CA10: variants seen among roughly 807,000 people sequenced by gnomAD.
The protein encoded by CA10 is carbonic anhydrase-related protein 10.
In CA10, 14 loss-of-function variants were observed where a neutral mutation model predicts 44.2. That is an observed-to-expected ratio of 0.32 (90% CI 0.21 to 0.50). The LOEUF is 0.50. CA10 is among the 20% of genes least tolerant of loss of function. The probability of loss-of-function intolerance (pLI) is 0.99; values close to 1 mark genes in which losing one functional copy is unlikely to be tolerated. For missense variants in CA10, 350 were observed against 409.7 expected (o/e 0.85, Z 1.26); for synonymous variants, 159 against 141.6 (o/e 1.12, Z -0.87).
intron 4 of CA10, among the ~76,000 whole-genome samples, chr17:51,745,603 C>T (rs542757432): frequency 3.3e-5 from 5 of 152,104 alleles, no homozygotes; most frequent in Non-Finnish European, 7.4e-5. Context: ...ATATGTTTCC[C>T]TTAAGGATTT....
At chr17:51,864,253 A>AT (rs145361970) in intron 3 of CA10, among the ~76,000 whole-genome samples, 2,041 of 151,836 alleles carry the variant, frequency 0.013, 60 homozygotes, top group African/African-American at 0.047. Context: ...AGGAAAGCCA[A>AT]TTTTTTTTTA....
intron 2 of CA10, among the ~76,000 whole-genome samples, chr17:51,946,084 C>A (rs965169834): frequency 6.6e-6 from 1 of 152,086 alleles, no homozygotes; most frequent in African/African-American, 2.4e-5. Context: ...CTCACTTACA[C>A]GTGGATTCTA....
chr17:51,889,647 AC>A (rs1181753777), intron 3 of CA10, among the ~76,000 whole-genome samples: 1 of 152,198 alleles, frequency 6.6e-6, no homozygotes, highest in East Asian at 1.9e-4. Flanking sequence ...ATTGGGGGCC[AC>A]CTTTGGAGAC....
intron 3 of CA10, among the ~76,000 whole-genome samples, chr17:51,871,011 AC>A: frequency 8.9e-6 from 1 of 112,378 alleles, no homozygotes; most frequent in Non-Finnish European, 1.9e-5. Context: ...CTCTTTTTCC[AC>A]CCCTCCCTCC....
intron 1 of CA10, among the ~76,000 whole-genome samples, chr17:52,157,382 T>A (rs747274024): frequency 1.9e-4 from 29 of 151,874 alleles, no homozygotes; most frequent in Non-Finnish European, 3.8e-4. Flanking sequence ...AGCCAGGGGA[T>A]GGGGGTGGTT....
At chr17:52,014,461 A>C (rs1192992682) in intron 2 of CA10, among the ~76,000 whole-genome samples, 1 of 152,058 alleles carries the variant, frequency 6.6e-6, no homozygotes, top group Non-Finnish European at 1.5e-5. Flanking sequence ...TATTAATACA[A>C]TTCAAGAATT....
At position 51,668,138 on chromosome 17, in the gene CA10, G is replaced by A. The variant is rs569325555; in HGVS notation, c.466-14402C>T. Among the ~76,000 whole-genome samples, 4 of 152,350 alleles carry A rather than the reference G, an allele frequency of 2.6e-5. No homozygotes were observed. In the East Asian group the frequency reaches 7.7e-4, roughly 29 times the overall value. On this transcript the variant is annotated intron_variant, in intron 4 of 8. Coordinates refer to ENST00000451037, the MANE Select transcript of CA10 (RefSeq NM_020178.5). ...GGTTGTTTCCAGTAGAACTGGGTCA[G>A]CTAGAGGGAAAGGTCTTTATCCCTT...
chr17:52,083,442 G>GT (rs1988035570), intron 1 of CA10, among the ~76,000 whole-genome samples: 1 of 152,130 alleles, frequency 6.6e-6, no homozygotes, highest in African/African-American at 2.4e-5. Flanking sequence ...AATTTAAAAA[G>GT]TACAAATGCA....
At chr17:51,886,350 T>G (rs1980599796) in intron 3 of CA10, among the ~76,000 whole-genome samples, 1 of 152,210 alleles carries the variant, frequency 6.6e-6, no homozygotes, top group African/African-American at 2.4e-5. Flanking sequence ...ATCTTATCTT[T>G]AAAGAGTGTT....
chr17:52,042,738 T>C (rs2144194118), intron 2 of CA10, among the ~76,000 whole-genome samples: 1 of 148,936 alleles, frequency 6.7e-6, no homozygotes, highest in Admixed American at 6.8e-5. Context: ...AAATGTCACA[T>C]TTAAATCTGA....
intron 3 of CA10, among the ~76,000 whole-genome samples, chr17:51,800,771 T>C (rs1355489475): frequency 6.6e-6 from 1 of 152,212 alleles, no homozygotes; most frequent in African/African-American, 2.4e-5. Context: ...GTTGAAGAAA[T>C]AGCATCTGAA....
chr17:51,688,991 A>G (rs1388398657), intron 4 of CA10, among the ~76,000 whole-genome samples: 2 of 152,090 alleles, frequency 1.3e-5, no homozygotes, highest in African/African-American at 2.4e-5. Flanking sequence ...TTTTATCTCT[A>G]TTTTATATAA....
chr17:51,676,493 A>C (rs1364721985), intron 4 of CA10, among the ~76,000 whole-genome samples: 1 of 152,206 alleles, frequency 6.6e-6, no homozygotes, highest in Non-Finnish European at 1.5e-5. Flanking sequence ...CTACTGCACC[A>C]GCATTTCTGG....
At chr17:51,919,225 C>T (rs1802304835) in intron 3 of CA10, among the ~76,000 whole-genome samples, 1 of 151,994 alleles carries the variant, frequency 6.6e-6, no homozygotes, top group African/African-American at 2.4e-5. Flanking sequence ...AATAATATCC[C>T]TTTAATAGGA....
chr17:51,681,191 T>C (rs1226329930), intron 4 of CA10, among the ~76,000 whole-genome samples: 2 of 152,216 alleles, frequency 1.3e-5, no homozygotes, highest in Non-Finnish European at 2.9e-5. Context: ...TTTCTTGTTT[T>C]CTGATCTGCA....
At chr17:51,782,636 C>T (rs895418110) in intron 3 of CA10, among the ~76,000 whole-genome samples, 1 of 152,174 alleles carries the variant, frequency 6.6e-6, no homozygotes, top group Non-Finnish European at 1.5e-5. Context: ...GATTGTCCAG[C>T]GTCCAACCCC....
At chr17:51,937,947 T>C (rs1255633208) in intron 2 of CA10, among the ~76,000 whole-genome samples, 3 of 152,132 alleles carry the variant, frequency 2.0e-5, no homozygotes, top group Non-Finnish European at 4.4e-5. Flanking sequence ...AGAGATATAC[T>C]AGTCCTAACA....
chr17:51,847,636 C>G (rs1264823829), intron 3 of CA10, among the ~76,000 whole-genome samples: 2 of 152,146 alleles, frequency 1.3e-5, no homozygotes, highest in East Asian at 1.9e-4. Flanking sequence ...GAACATGGTA[C>G]ATAAAATCAT....
intron 4 of CA10, among the ~76,000 whole-genome samples, chr17:51,719,634 C>T (rs1401484128): frequency 1.3e-5 from 2 of 151,910 alleles, no homozygotes; most frequent in Non-Finnish European, 2.9e-5. Flanking sequence ...TGCTTGAAAT[C>T]CCAGCACTTT....
Sources: allele counts gnomAD v4.1 joint callset (sites outside exome capture counted in the v4.1 genomes callset), GRCh38; gene constraint gnomAD v4.1.1; transcripts MANE v1.5; gene names NCBI Gene and HGNC (gene_info 2026-07-23, HGNC 2026-07-21).